The following NTRK1 variants were observed in gnomAD, a reference collection of about 807,000 sequenced individuals.
The protein encoded by NTRK1 is neurotrophic receptor tyrosine kinase 1.
A neutral mutation model predicts 86.8 loss-of-function variants in NTRK1; 62 were observed. That is an observed-to-expected ratio of 0.71 (90% CI 0.58 to 0.88). The LOEUF is 0.88. Among genes scored for constraint, NTRK1 ranks in the 40% least tolerant of loss-of-function variants. The probability of loss-of-function intolerance (pLI) is 0.00; values close to 1 mark genes in which losing one functional copy is unlikely to be tolerated. For missense variants in NTRK1, 967 were observed against 1,078.4 expected, an observed-to-expected ratio of 0.90 and a Z score of 1.45; for synonymous variants, 469 against 456.6, an observed-to-expected ratio of 1.03 and a Z score of -0.35.
intron 2 of NTRK1, among the ~76,000 whole-genome samples, chr1:156,853,464 G>A (rs951661120): frequency 2.6e-5 from 4 of 152,178 alleles, no homozygotes; most frequent in African/African-American, 4.8e-5. Flanking sequence ...ACTGCTTCTT[G>A]CGCTGCCTAC....
intron 1 of NTRK1, among the ~76,000 whole-genome samples, chr1:156,828,990 G>T (rs1571644317): frequency 6.6e-6 from 1 of 152,188 alleles, no homozygotes; most frequent in Non-Finnish European, 1.5e-5. Context: ...CAACAGAGTG[G>T]AGCCCTCCTT....
At chr1:156,876,709 C>T (rs1571700216) in intron 14 of NTRK1, 137 bp downstream of exon 14, 1 of 1,094,122 alleles carries the variant, frequency 9.1e-7, no homozygotes, top group Non-Finnish European at 1.3e-6. Flanking sequence ...TTCCCGTCCC[C>T]AGGGAGCTCT....
At chr1:156,852,553 C>T (rs992290706) in intron 2 of NTRK1, among the ~76,000 whole-genome samples, 2 of 152,238 alleles carry the variant, frequency 1.3e-5, no homozygotes, top group Non-Finnish European at 1.5e-5. Flanking sequence ...GGGCCAGCCT[C>T]TCCTGAGCAG....
upstream of NTRK1, among the ~76,000 whole-genome samples, chr1:156,858,278 A>G (rs967822971): frequency 3.3e-5 from 5 of 152,188 alleles, no homozygotes; most frequent in Non-Finnish European, 7.3e-5. Context: ...CTGGGATCAC[A>G]GTTTCACTAG....
At position 156,874,891 on chromosome 1, in the gene NTRK1, C is replaced by G. The variant is rs186649954; in HGVS notation, c.1252-15C>G. ...GGAGGAGCCCCTGGATCTAACTACC[C>G]CTGTCCCCCACCAGGTCTCGGTGGC... On this transcript the variant is annotated splice_polypyrimidine_tract_variant and intron_variant, in intron 10 of 16. Coordinates refer to ENST00000524377, the MANE Select transcript of NTRK1 (RefSeq NM_002529.4). The G allele has an allele frequency of 3.8e-4, 601 of 1,592,030 alleles. No individual in the cohort carries two copies. Among genetic ancestry groups the G allele is most frequent in the Non-Finnish European group, 7.0e-5 (81 of 1,160,276 alleles).
At chr1:156,865,057 T>A (rs958216301) in intron 3 of NTRK1, 3 of 546,960 alleles carry the variant, frequency 5.5e-6, no homozygotes, top group Non-Finnish European at 1.0e-5. Flanking sequence ...GTGCCTGCCC[T>A]ATCTTTCTTC....
intron 1 of NTRK1, among the ~76,000 whole-genome samples, chr1:156,821,593 G>C (rs1316215683): frequency 6.6e-6 from 1 of 151,954 alleles, no homozygotes; most frequent in Non-Finnish European, 1.5e-5. Flanking sequence ...TCTAGAAGAG[G>C]GACCAAGCTC....
rs369261667 is a variant in NTRK1, at chr1:156,849,487, T to G, written c.50+7294T>G. 3.0e-3 allele frequency: 1,131 copies of G among 378,608 alleles called. 2 individuals are homozygous for G. Among genetic ancestry groups the G allele is most frequent in the Non-Finnish European group, 4.7e-3 (995 of 211,422 alleles). The allele number at this position is 378,608 out of a possible 1,614,324, so 23.5% of individuals were successfully genotyped here. A position where few individuals can be genotyped will look rare whatever the true frequency, so the allele number is the denominator to read the frequency against. Reference sequence around the variant, plus strand: ...TGGGGGAGGCCAGGGGACCTTGCTCTGCGGGGAGGTGGGGGCAGGGGGTGG... The same window carrying G: ...TGGGGGAGGCCAGGGGACCTTGCTCGGCGGGGAGGTGGGGGCAGGGGGTGG... On this transcript the variant is annotated intron_variant, in intron 2 of 16. Coordinates refer to the NTRK1 transcript ENST00000392302.
Position 156,851,770 on chromosome 1 carries a change from G to A in NTRK1, c.50+9577G>A, listed in dbSNP as rs531765692. The A allele has an allele frequency of 2.2e-5, 36 of 1,610,614 alleles. 1 individual carries two copies. The Middle Eastern group carries it at 2.5e-3, about 110-fold the overall frequency. On this transcript the variant is annotated intron_variant, in intron 2 of 16. Coordinates refer to the NTRK1 transcript ENST00000392302. ...TGCACTCTTTAGGGCACAGCCCCTC[G>A]CACTTGTGGCAGAATATGCTAGCAG...
At chr1:156,826,241 T>G (rs2102837494) in intron 1 of NTRK1, among the ~76,000 whole-genome samples, 1 of 152,152 alleles carries the variant, frequency 6.6e-6, no homozygotes, top group South Asian at 2.1e-4. Context: ...TTTTTTGGTT[T>G]GTTGTTTTAA....
intron 13 of NTRK1, 93 bp from the exon 14 acceptor site, chr1:156,876,307 A>G (rs1468228242): frequency 1.2e-6 from 2 of 1,609,446 alleles, no homozygotes; most frequent in Admixed American, 1.7e-5. Context: ...GAGGGCTGAC[A>G]TGGCTGGATA....
intron 4 of NTRK1, among the ~76,000 whole-genome samples, chr1:156,867,339 G>T (rs79603390): frequency 6.6e-6 from 1 of 152,180 alleles, no homozygotes; most frequent in South Asian, 2.1e-4. Flanking sequence ...AAGCCTCTGG[G>T]TCACTCTGGG....
rs1034297236 is a variant in NTRK1, at chr1:156,874,633, T to C, written c.1251+7T>C. The stretch of plus-strand genomic sequence containing the variant: ...GGACGAAACACCTTTTGGGGTGAGA[T>C]AGGAAGTAGAAGCTTGTGCAGACTT... On this transcript the variant is annotated splice_region_variant and intron_variant, in intron 10 of 16. Coordinates refer to ENST00000524377, the MANE Select transcript of NTRK1 (RefSeq NM_002529.4). 25 of 1,612,594 alleles carry C rather than the reference T, an allele frequency of 1.6e-5. No individual in the cohort carries two copies. Among genetic ancestry groups the C allele is most frequent in the Non-Finnish European group, 2.1e-5 (25 of 1,179,298 alleles).
intron 2 of NTRK1, among the ~76,000 whole-genome samples, chr1:156,855,480 C>G (rs925797656): frequency 3.3e-5 from 5 of 151,942 alleles, no homozygotes; most frequent in Admixed American, 3.3e-4. Flanking sequence ...GCTGGGATTA[C>G]AGGCGTGAAC....
intron 2 of NTRK1, among the ~76,000 whole-genome samples, chr1:156,847,942 C>T (rs1047651499): frequency 2.6e-5 from 4 of 152,170 alleles, no homozygotes; most frequent in Non-Finnish European, 5.9e-5. Flanking sequence ...GGGAGATTCA[C>T]ACTGTAGTCA....
chr1:156,816,009 A>C (rs1418382056), intron 1 of NTRK1: 1 of 1,613,778 alleles, frequency 6.2e-7, no homozygotes, highest in Non-Finnish European at 8.5e-7. Context: ...CACTCACCGC[A>C]GTGTAGCCCA....
chr1:156,841,647 G>T (rs749862084), intron 1 of NTRK1: 1 of 1,612,790 alleles, frequency 6.2e-7, no homozygotes, highest in African/African-American at 1.3e-5. Flanking sequence ...GGAGCCCTGT[G>T]CTCCAGCTCG....
chr1:156,839,050 T>G, intron 1 of NTRK1, among the ~76,000 whole-genome samples: 1 of 152,232 alleles, frequency 6.6e-6, no homozygotes, highest in South Asian at 2.1e-4. Flanking sequence ...TTCCCTTAGC[T>G]GCGGTTCTGC....
chr1:156,840,988 TAGA>T (rs774745320), intron 1 of NTRK1: 8 of 1,613,318 alleles, frequency 5.0e-6, no homozygotes, highest in Non-Finnish European at 6.8e-6. Flanking sequence ...CGGGCTGTAG[TAGA>T]AGGAGAGGAG....
Sources: gnomAD v4.1 joint callset for allele counts (sites outside exome capture counted in the v4.1 genomes callset) on GRCh38, gnomAD v4.1.1 for gene constraint, MANE v1.5 for transcripts, NCBI Gene and HGNC (gene_info 2026-07-23, HGNC 2026-07-21) for gene names.